The following CNTN4 variants were observed in gnomAD, a reference collection of about 807,000 sequenced individuals.
The protein encoded by CNTN4 is contactin 4.
In CNTN4, 77 loss-of-function variants were observed where a neutral mutation model predicts 122.5. The observed-to-expected ratio is 0.63, with a 90% CI of 0.52 to 0.76. CNTN4 has a LOEUF of 0.76. CNTN4 is among the 30% of genes least tolerant of loss of function. The pLI, the probability that CNTN4 is intolerant of heterozygous loss-of-function variation, is 0.00. For synonymous variants in CNTN4, 512 were observed against 447.0 expected (o/e 1.15, Z -1.83); for missense variants, 1,256 against 1,259.1 (o/e 1.00, Z 0.04).
intron 4 of CNTN4, among the ~76,000 whole-genome samples, chr3:2,679,039 G>T (rs1305774115): frequency 6.6e-6 from 1 of 152,154 alleles, no homozygotes; most frequent in Admixed American, 6.6e-5. Flanking sequence ...TTCACTGAAT[G>T]TTCTGAAAAT....
At chr3:2,661,028 ATTT>A (rs2083865116) in intron 4 of CNTN4, among the ~76,000 whole-genome samples, 1 of 152,180 alleles carries the variant, frequency 6.6e-6, no homozygotes, top group African/African-American at 2.4e-5. Flanking sequence ...TCTTCCCATG[ATTT>A]TTTGGTATTA....
intron 3 of CNTN4, among the ~76,000 whole-genome samples, chr3:2,512,510 T>C (rs1360866753): frequency 6.6e-6 from 1 of 152,260 alleles, no homozygotes; most frequent in Non-Finnish European, 1.5e-5. Flanking sequence ...TTGCATGATG[T>C]CTTTCACATG....
chr3:2,560,401 C>G (rs958554488), intron 3 of CNTN4, among the ~76,000 whole-genome samples: 12 of 152,128 alleles, frequency 7.9e-5, no homozygotes, highest in African/African-American at 2.9e-4. Flanking sequence ...CTTGGCTTCC[C>G]AAAATTTGGG....
At chr3:2,574,945 G>A (rs921375007) in intron 4 of CNTN4, among the ~76,000 whole-genome samples, 20 of 151,836 alleles carry the variant, frequency 1.3e-4, no homozygotes, top group Non-Finnish European at 2.2e-4. Flanking sequence ...CCTGTATAAA[G>A]CAAACCAAAA....
intron 20 of CNTN4, among the ~76,000 whole-genome samples, chr3:3,041,314 A>G (rs1029111818): frequency 6.6e-6 from 1 of 152,130 alleles, no homozygotes; most frequent in African/African-American, 2.4e-5. Flanking sequence ...TCATGTTCCA[A>G]CCATTGCCAA....
At chr3:2,186,966 A>G (rs2037300495) in intron 2 of CNTN4, among the ~76,000 whole-genome samples, 3 of 152,058 alleles carry the variant, frequency 2.0e-5, no homozygotes, top group Admixed American at 1.3e-4. Flanking sequence ...TTTTGTTGCA[A>G]TTGCTTTTGG....
chr3:2,366,182 A>T (rs925560746), intron 3 of CNTN4, among the ~76,000 whole-genome samples: 1 of 152,294 alleles, frequency 6.6e-6, no homozygotes, highest in Admixed American at 6.5e-5. Context: ...AAGCCTCTTC[A>T]TTTCTTGGTT....
intron 2 of CNTN4, among the ~76,000 whole-genome samples, chr3:2,320,862 T>C (rs1206452361): frequency 6.6e-6 from 1 of 152,144 alleles, no homozygotes; most frequent in Non-Finnish European, 1.5e-5. Context: ...CATCTGTGTT[T>C]ATTTGCTCTA....
At chr3:2,773,130 G>A (rs1049282970) in intron 6 of CNTN4, among the ~76,000 whole-genome samples, 24 of 152,178 alleles carry the variant, frequency 1.6e-4, no homozygotes, top group African/African-American at 4.6e-4. Flanking sequence ...CTTTTGGTGG[G>A]GGGGGTTGCA....
intron 2 of CNTN4, among the ~76,000 whole-genome samples, chr3:2,287,685 GAAGAAGAGGAAGAAGAAGAAGAAGAGGAA>G (rs2041969939): frequency 4.4e-5 from 4 of 90,064 alleles, no homozygotes; most frequent in Admixed American, 1.3e-4. Flanking sequence ...AGAAGAAGAA[GAAGAAGAGGAAGAAGAAGAAGAAGAGGAA>G]GAAGAAGAAG....
intron 10 of CNTN4, among the ~76,000 whole-genome samples, chr3:2,896,344 C>T (rs1421862424): frequency 6.6e-6 from 1 of 152,074 alleles, no homozygotes; most frequent in African/African-American, 2.4e-5. Context: ...AAGGGAGTGC[C>T]TTCCAAGAAC....
chr3:2,961,451 A>G (rs79691170), intron 13 of CNTN4, among the ~76,000 whole-genome samples: 19 of 152,266 alleles, frequency 1.2e-4, no homozygotes, highest in South Asian at 2.1e-4. Context: ...TATAATGGAC[A>G]GTGTCTTGTA....
intron 2 of CNTN4, among the ~76,000 whole-genome samples, chr3:2,210,623 A>G (rs1226812368): frequency 6.6e-6 from 1 of 152,200 alleles, no homozygotes; most frequent in African/African-American, 2.4e-5. Context: ...AGGCTAAGAC[A>G]AAACTTAAAT....
At chr3:2,629,415 A>G (rs75415463) in intron 4 of CNTN4, 3,651 of 345,886 alleles carry the variant, frequency 0.011, 41 homozygotes, top group Non-Finnish European at 0.016. Context: ...AATTTTAAAA[A>G]AATACTTTTC....
intron 14 of CNTN4, among the ~76,000 whole-genome samples, chr3:2,989,779 G>A (rs1383763102): frequency 2.0e-5 from 3 of 152,184 alleles, no homozygotes; most frequent in Non-Finnish European, 2.9e-5. Flanking sequence ...TTTGTAAAGT[G>A]CAGTTCTAGC....
At chr3:2,961,098 T>A (rs183316813) in intron 13 of CNTN4, among the ~76,000 whole-genome samples, 2 of 120,386 alleles carry the variant, frequency 1.7e-5, no homozygotes, top group Non-Finnish European at 3.6e-5. Context: ...GGCGTGGTGA[T>A]GGGCGCCTGT....
chr3:2,894,716 A>G (rs901305531), intron 10 of CNTN4, among the ~76,000 whole-genome samples: 3 of 151,110 alleles, frequency 2.0e-5, no homozygotes, highest in Non-Finnish European at 2.9e-5. Flanking sequence ...AAAATAAAAG[A>G]AAGAAATATA....
intron 4 of CNTN4, among the ~76,000 whole-genome samples, chr3:2,681,922 T>C (rs2085186877): frequency 6.6e-6 from 1 of 152,154 alleles, no homozygotes; most frequent in Admixed American, 6.6e-5. Flanking sequence ...AAGAATAAGA[T>C]GAATATTTTT....
At chr3:2,287,688 GAAGAGGAAGAAGAAGAA>G (rs1559415691) in intron 2 of CNTN4, among the ~76,000 whole-genome samples, 48 of 90,040 alleles carry the variant, frequency 5.3e-4, no homozygotes, top group South Asian at 1.4e-3. Context: ...AGAAGAAGAA[GAAGAGGAAGAAGAAGAA>G]GAAGAGGAAG....
Sources: gnomAD v4.1 joint callset for allele counts (sites outside exome capture counted in the v4.1 genomes callset) on GRCh38, gnomAD v4.1.1 for gene constraint, MANE v1.5 for transcripts, NCBI Gene and HGNC (gene_info 2026-07-23, HGNC 2026-07-21) for gene names.